The following GPM6A variants were observed in gnomAD, a reference collection of about 807,000 sequenced individuals.
GPM6A encodes neuronal membrane glycoprotein M6-a.
A neutral mutation model predicts 32.1 loss-of-function variants in GPM6A; 7 were observed. That is an observed-to-expected ratio of 0.22 (90% CI 0.12 to 0.41). The LOEUF is 0.41. Among genes scored for constraint, GPM6A ranks in the 10% least tolerant of loss-of-function variants. The probability of loss-of-function intolerance (pLI) is 1.00; values close to 1 mark genes in which losing one functional copy is unlikely to be tolerated. For missense variants in GPM6A, 235 were observed against 347.2 expected (o/e 0.68, Z 2.57); for synonymous variants, 130 against 123.4 (o/e 1.05, Z -0.35).
At chr4:175,945,449 A>G (rs1417990206) in intron 1 of GPM6A, among the ~76,000 whole-genome samples, 1 of 152,166 alleles carries the variant, frequency 6.6e-6, no homozygotes, top group Non-Finnish European at 1.5e-5. Context: ...AGTGGGAACT[A>G]AGTAATACGC....
At chr4:175,676,317 T>C (rs1232518177) in intron 2 of GPM6A, among the ~76,000 whole-genome samples, 1 of 152,172 alleles carries the variant, frequency 6.6e-6, no homozygotes, top group Non-Finnish European at 1.5e-5. Flanking sequence ...TAGGATTACA[T>C]GTGTGAGCCA....
intron 1 of GPM6A, among the ~76,000 whole-genome samples, chr4:175,900,035 G>A (rs866725281): frequency 3.3e-5 from 5 of 151,894 alleles, no homozygotes; most frequent in Admixed American, 6.6e-5. Flanking sequence ...ATCCCAGCAC[G>A]TTGGGAGGCC....
intron 1 of GPM6A, among the ~76,000 whole-genome samples, chr4:175,972,956 G>A (rs1181691097): frequency 6.6e-6 from 1 of 152,128 alleles, no homozygotes; most frequent in Non-Finnish European, 1.5e-5. Context: ...AAGTGTTGGT[G>A]GAAATGAATG....
chr4:175,650,972 A>G (rs1741769369), intron 4 of GPM6A, among the ~76,000 whole-genome samples: 1 of 152,206 alleles, frequency 6.6e-6, no homozygotes, highest in Non-Finnish European at 1.5e-5. Flanking sequence ...GATAACATAG[A>G]ATCTCAAATA....
intron 2 of GPM6A, among the ~76,000 whole-genome samples, chr4:175,676,135 T>C (rs1743354067): frequency 6.6e-6 from 1 of 152,160 alleles, no homozygotes; most frequent in African/African-American, 2.4e-5. Context: ...GAAAAACGTG[T>C]TTGCTTCCCC....
rs190291749 is a variant in GPM6A at position 175,861,626 on chromosome 4, C to T, written c.-22-49377G>A. On this transcript the variant is annotated intron_variant, in intron 1 of 7. Coordinates refer to the GPM6A transcript ENST00000280187. ...AATTAACTGTACGTGGTGGCCCACA[C>T]TGTAATCCCAGTTACTGGGGAGGCT... Among the ~76,000 whole-genome samples, 3 of 151,492 alleles carry T rather than the reference C, an allele frequency of 2.0e-5. No homozygotes were observed. In the East Asian group the frequency reaches 5.8e-4, roughly 30 times the overall value.
intron 1 of GPM6A, among the ~76,000 whole-genome samples, chr4:175,871,267 G>A (rs1006389853): frequency 3.3e-5 from 5 of 151,928 alleles, no homozygotes; most frequent in African/African-American, 4.8e-5. Flanking sequence ...TCAGGAGCTC[G>A]AGACCAGCCT....
intron 1 of GPM6A, among the ~76,000 whole-genome samples, chr4:175,961,534 T>C (rs1235633108): frequency 2.0e-5 from 3 of 152,164 alleles, no homozygotes; most frequent in Admixed American, 1.3e-4. Context: ...AAAGCTGTAA[T>C]TTATGAATTG....
intron 2 of GPM6A, among the ~76,000 whole-genome samples, chr4:175,676,106 C>A (rs1230811905): frequency 6.6e-6 from 1 of 152,132 alleles, no homozygotes; most frequent in Non-Finnish European, 1.5e-5. Context: ...CACTGCACTT[C>A]TCTCTCTTGC....
rs2644001 is a variant in GPM6A at position 175,734,389 on chromosome 4, A to G, written c.38-32622T>C. Among the ~76,000 whole-genome samples, 1,178 of 152,200 alleles carry G rather than the reference A, an allele frequency of 7.7e-3. 11 individuals are homozygous for G. The highest frequency in any genetic ancestry group is 0.027 in the African/African-American group (1,116 of 41,526). ...CTCTGTGCAATAATTATTAAGACAT[A>G]CTGACATTTTCTGAAGAGTTCTGCG... On this transcript the variant is annotated intron_variant, in intron 1 of 6. Transcript: ENST00000393658.
chr4:175,959,373 T>C (rs2126397542), intron 1 of GPM6A, among the ~76,000 whole-genome samples: 1 of 152,190 alleles, frequency 6.6e-6, no homozygotes, highest in Admixed American at 6.5e-5. Context: ...CTTGCATGCT[T>C]GCCATCTAAT....
At chr4:175,666,139 C>T (rs113488298) in intron 3 of GPM6A, among the ~76,000 whole-genome samples, 7,529 of 151,966 alleles carry the variant, frequency 0.05, 204 homozygotes, top group Non-Finnish European at 0.061. Context: ...AGGCTGGTCT[C>T]GATCTCCAGC....
upstream of GPM6A, chr4:175,812,444 C>G: frequency 7.8e-7 from 1 of 1,277,430 alleles, no homozygotes; most frequent in Non-Finnish European, 9.8e-7. Context: ...AGTGTAATTT[C>G]ATTCAAATTA....
At chr4:175,993,018 C>T (rs1457759267) in intron 1 of GPM6A, among the ~76,000 whole-genome samples, 1 of 152,048 alleles carries the variant, frequency 6.6e-6, no homozygotes, top group Non-Finnish European at 1.5e-5. Context: ...TCAGTGTCTG[C>T]CTTTCTCTTA....
chr4:175,815,510 G>T (rs1735069412), upstream of GPM6A, among the ~76,000 whole-genome samples: 3 of 151,840 alleles, frequency 2.0e-5, no homozygotes. Context: ...GTCCTTATGG[G>T]GACTGAAATG....
chr4:175,666,729 T>C (rs529682480), intron 3 of GPM6A, among the ~76,000 whole-genome samples: 2 of 152,296 alleles, frequency 1.3e-5, no homozygotes, highest in African/African-American at 4.8e-5. Context: ...AACCATATTT[T>C]CCTTGTCGAG....
At chr4:175,642,358 T>C (rs1161414984) in intron 4 of GPM6A, among the ~76,000 whole-genome samples, 1 of 152,208 alleles carries the variant, frequency 6.6e-6, no homozygotes, top group Non-Finnish European at 1.5e-5. Flanking sequence ...TCCTTATTCA[T>C]TTCTCAATTC....
chr4:175,728,405 T>A (rs7671751), intron 1 of GPM6A, among the ~76,000 whole-genome samples: 123,000 of 151,434 alleles, frequency 0.81, 50,360 homozygotes, highest in Non-Finnish European at 0.88. Flanking sequence ...AACATAGAGC[T>A]TCTGAAGCCG....
intron 1 of GPM6A, among the ~76,000 whole-genome samples, chr4:175,713,307 A>G (rs926511186): frequency 3.3e-5 from 5 of 152,130 alleles, no homozygotes; most frequent in African/African-American, 1.2e-4. Flanking sequence ...ATTTCAAGCC[A>G]TTCTCCTGCC....
Sources: gnomAD v4.1 joint callset for allele counts (sites outside exome capture counted in the v4.1 genomes callset) on GRCh38, gnomAD v4.1.1 for gene constraint, MANE v1.5 for transcripts, NCBI Gene and HGNC (gene_info 2026-07-23, HGNC 2026-07-21) for gene names.